Variants in JAKMIP2 observed in about 807,000 individuals in gnomAD.
The protein encoded by JAKMIP2 is janus kinase and microtubule-interacting protein 2.
Under a neutral mutation model 115.0 loss-of-function variants are expected in JAKMIP2, and 25 were observed. That is an observed-to-expected ratio of 0.22 (90% CI 0.16 to 0.30). JAKMIP2 has a LOEUF of 0.30. Ranked by LOEUF, JAKMIP2 falls within the 10% of genes least tolerant of loss-of-function variation. The pLI, the probability that JAKMIP2 is intolerant of heterozygous loss-of-function variation, is 1.00. For synonymous variants in JAKMIP2, 334 were observed against 343.6 expected (o/e 0.97, Z 0.31); for missense variants, 642 against 957.6 (o/e 0.67, Z 4.35).
chr5:147,681,766 G>C (rs1760293494), intron 1 of JAKMIP2, among the ~76,000 whole-genome samples: 2 of 152,062 alleles, frequency 1.3e-5, no homozygotes, highest in South Asian at 4.2e-4. Flanking sequence ...TACTGGCCAG[G>C]TGTGGAGGCT....
Position 147,633,600 on chromosome 5 carries a change from C to G in JAKMIP2, c.1678-822G>C, listed in dbSNP as rs187431029. Among the ~76,000 whole-genome samples the G allele has an allele frequency of 9.9e-5, 15 of 152,242 alleles. 1 individual carries two copies. In the Middle Eastern group the frequency reaches 0.014, roughly 138 times the overall value. ...TTTTCCTCTAGACTTTCTTATAGGA[C>G]CTCTAGTATAACTTGAGGAAGCATG... On this transcript the variant is annotated intron_variant, in intron 12 of 21. Transcript: ENST00000616793.
intron 1 of JAKMIP2, among the ~76,000 whole-genome samples, chr5:147,736,263 C>T (rs185836719): frequency 7.9e-4 from 120 of 151,944 alleles, no homozygotes; most frequent in Non-Finnish European, 1.1e-3. Flanking sequence ...CAAGACCAGC[C>T]TGGCCAACAT....
intron 1 of JAKMIP2, among the ~76,000 whole-genome samples, chr5:147,698,148 C>A (rs1446318833): frequency 1.3e-5 from 2 of 152,196 alleles, no homozygotes; most frequent in African/African-American, 4.8e-5. Context: ...CCAAAGAGAT[C>A]ATTTGGAAAC....
intron 1 of JAKMIP2, among the ~76,000 whole-genome samples, chr5:147,763,961 C>A (rs1283952342): frequency 1.3e-5 from 2 of 152,080 alleles, no homozygotes; most frequent in African/African-American, 4.8e-5. Context: ...AAGGATCACC[C>A]AGCCAGACAC....
intron 1 of JAKMIP2, among the ~76,000 whole-genome samples, chr5:147,741,083 A>G (rs1754126575): frequency 6.6e-6 from 1 of 152,150 alleles, no homozygotes; most frequent in African/African-American, 2.4e-5. Flanking sequence ...CTGGAAGTGT[A>G]TTACAGACAT....
At chr5:147,655,134 T>A (rs1282741599) in intron 3 of JAKMIP2, among the ~76,000 whole-genome samples, 1 of 152,204 alleles carries the variant, frequency 6.6e-6, no homozygotes, top group African/African-American at 2.4e-5. Flanking sequence ...TTCACATCGA[T>A]GTTCATCAGG....
intron 1 of JAKMIP2, among the ~76,000 whole-genome samples, chr5:147,761,223 A>T (rs1047669807): frequency 2.6e-5 from 4 of 152,108 alleles, no homozygotes; most frequent in African/African-American, 9.6e-5. Flanking sequence ...ATATTTTGAC[A>T]ATGTAGTTCT....
At chr5:147,642,606 G>T (rs1757932173) in intron 7 of JAKMIP2, among the ~76,000 whole-genome samples, 1 of 151,570 alleles carries the variant, frequency 6.6e-6, no homozygotes, top group Non-Finnish European at 1.5e-5. Flanking sequence ...ATGTGAAAAT[G>T]AAATGAGGAA....
At chr5:147,633,116 A>G (rs190701817) in intron 12 of JAKMIP2, among the ~76,000 whole-genome samples, 8 of 152,338 alleles carry the variant, frequency 5.3e-5, no homozygotes, top group African/African-American at 1.9e-4. Context: ...GGTATACATA[A>G]GAGGGACTGA....
At chr5:147,659,203 G>A (rs1426450516) in intron 3 of JAKMIP2, among the ~76,000 whole-genome samples, 3 of 152,136 alleles carry the variant, frequency 2.0e-5, no homozygotes, top group Non-Finnish European at 2.9e-5. Context: ...GTGCTGATCC[G>A]TGGATTGCAA....
Position 147,671,702 on chromosome 5 carries a change from T to C in JAKMIP2, c.105A>G (p.Ile35Met). 1 of 1,552,910 alleles carries C rather than the reference T, an allele frequency of 6.4e-7. No individual in the cohort carries two copies. The highest frequency in any genetic ancestry group is 8.7e-7 in the Non-Finnish European group (1 of 1,147,210). The change falls in exon 2 of 22, where the codon ATA becomes ATG. Residue 35 changes from isoleucine to methionine, a missense_variant. Transcript: ENST00000616793. ...CCTTGGACTTCTCTTGATGCAGCTC[T>C]ATCTGAATGTCTGTGAGCTTGGTCC... The part of the protein sequence containing the change: ...DLRTKLTDIQ[I>M]ELHQEKSKVS...
chr5:147,660,113 A>G (rs1025055588), intron 3 of JAKMIP2, among the ~76,000 whole-genome samples: 1 of 152,232 alleles, frequency 6.6e-6, no homozygotes, highest in Non-Finnish European at 1.5e-5. Flanking sequence ...AACAGATGCT[A>G]AACATCCGAA....
chr5:147,720,154 T>G (rs191541241), intron 1 of JAKMIP2, among the ~76,000 whole-genome samples: 16,865 of 152,202 alleles, frequency 0.11, 1,164 homozygotes, highest in Middle Eastern at 0.19. Context: ...AATTCTTGTC[T>G]TTAAGAATGT....
chr5:147,715,531 A>C (rs557788261), intron 1 of JAKMIP2, among the ~76,000 whole-genome samples: 1 of 151,470 alleles, frequency 6.6e-6, no homozygotes, highest in Admixed American at 6.6e-5. Flanking sequence ...TGACGGCTGT[A>C]TTAATACTAG....
At chr5:147,663,693 A>G (rs991735390) in intron 2 of JAKMIP2, among the ~76,000 whole-genome samples, 5 of 152,202 alleles carry the variant, frequency 3.3e-5, no homozygotes, top group Admixed American at 2.0e-4. Flanking sequence ...CTAAGTTTGC[A>G]TAGTATTTTG....
At chr5:147,750,469 A>G (rs1463082786) in intron 1 of JAKMIP2, among the ~76,000 whole-genome samples, 1 of 152,018 alleles carries the variant, frequency 6.6e-6, no homozygotes, top group Non-Finnish European at 1.5e-5. Flanking sequence ...GAGCTGCAAG[A>G]TTAAGACTGA....
At chr5:147,744,075 TTCTC>T (rs1754264324) in intron 1 of JAKMIP2, among the ~76,000 whole-genome samples, 1 of 149,536 alleles carries the variant, frequency 6.7e-6, no homozygotes, top group Non-Finnish European at 1.5e-5. Flanking sequence ...CTTTCTATTT[TTCTC>T]TCTCTCTCAT....
chr5:147,600,087 G>GTTT (rs369043130), intron 21 of JAKMIP2, among the ~76,000 whole-genome samples: 48 of 67,926 alleles, frequency 7.1e-4, no homozygotes, highest in African/African-American at 2.6e-3. Context: ...TTTATTTACT[G>GTTT]TTTTTTTTTT....
intron 1 of JAKMIP2, among the ~76,000 whole-genome samples, chr5:147,742,017 C>T (rs910932512): frequency 4.8e-4 from 73 of 151,704 alleles, no homozygotes; most frequent in African/African-American, 1.7e-3. Flanking sequence ...TATAAAACCA[C>T]TCTGCTAACT....
Sources: allele counts gnomAD v4.1 joint callset (sites outside exome capture counted in the v4.1 genomes callset), GRCh38; gene constraint gnomAD v4.1.1; transcripts MANE v1.5; gene names NCBI Gene and HGNC (gene_info 2026-07-23, HGNC 2026-07-21).